Variants in BEND4 observed in about 807,000 individuals in gnomAD.
BEND4 encodes BEN domain-containing protein 4.
In BEND4, 27 loss-of-function variants were observed where a neutral mutation model predicts 54.7. The ratio of observed to expected loss-of-function variants is 0.49; its 90% CI spans 0.36 to 0.68. The LOEUF (loss-of-function observed/expected upper bound fraction) is 0.68. Ranked by LOEUF, BEND4 falls within the 30% of genes least tolerant of loss-of-function variation. BEND4 has a pLI of 0.00. For missense variants in BEND4, 702 were observed against 697.2 expected (o/e 1.01, Z -0.08); for synonymous variants, 327 against 299.5 (o/e 1.09, Z -0.95).
intron 2 of BEND4, among the ~76,000 whole-genome samples, chr4:42,149,102 G>C (rs1047434162): frequency 6.6e-6 from 1 of 152,128 alleles, no homozygotes; most frequent in Non-Finnish European, 1.5e-5. Context: ...TTCGTAACAT[G>C]AATGTTTTGA....
intron 3 of BEND4, among the ~76,000 whole-genome samples, chr4:42,134,715 T>C (rs190921747): frequency 8.1e-4 from 123 of 152,300 alleles, no homozygotes; most frequent in African/African-American, 2.8e-3. Flanking sequence ...GCTTGCGAAC[T>C]GTGGGAAGCA....
Position 42,151,879 on chromosome 4 carries a change from C to G in BEND4, c.265G>C (p.Gly89Arg), listed in dbSNP as rs1721304923. The G allele has an allele frequency of 3.1e-6, 4 of 1,305,876 alleles. No homozygotes were observed. The highest frequency in any genetic ancestry group is 2.5e-5 in the South Asian group (1 of 40,330). 80.9% of individuals were successfully genotyped at this position (1,305,876 alleles called of 1,614,324 possible). Reference protein sequence around the residue: ...QFQAQSSYPPGPGRAAAAASS... With the variant: ...QFQAQSSYPPRPGRAAAAASS... ...GCGGCGGCGGCGGCCCGGCCGGGCC[C>G]GGGGGGGTAGGAGCTCTGCGCCTGG... Residue 89 changes from glycine (G) to arginine (R), a missense_variant, in exon 2 of 6, where the codon GGG becomes CGG. By Grantham distance (125) the Gly-to-Arg change is moderately radical (BLOSUM62 -2). Transcript: ENST00000502486.
At chr4:42,125,125 CTG>C (rs781414297) in intron 4 of BEND4, among the ~76,000 whole-genome samples, 17 of 152,278 alleles carry the variant, frequency 1.1e-4, no homozygotes, top group South Asian at 2.1e-4. Context: ...TTGGGAGAGA[CTG>C]TGGTTTCTTC....
At chr4:42,126,547 ATT>A (rs1720293935) in intron 3 of BEND4, among the ~76,000 whole-genome samples, 1 of 152,210 alleles carries the variant, frequency 6.6e-6, no homozygotes, top group Non-Finnish European at 1.5e-5. Context: ...CTATTAAACT[ATT>A]TTTTGAGGCT....
chr4:42,147,392 G>C (rs2153147777), intron 2 of BEND4, among the ~76,000 whole-genome samples: 1 of 151,620 alleles, frequency 6.6e-6, no homozygotes, highest in South Asian at 2.1e-4. Context: ...AAGAAATGAA[G>C]TTCTGTTTTC....
At position 42,138,107 on chromosome 4, in the gene BEND4, C is replaced by T. The variant is rs191936562; in HGVS notation, c.1054+5321G>A. ...GACATATACCCAAAGGAAATGAAATCAACATCTTGTAAAGATGTCTGCACT... is the reference window on the plus strand; with the variant it reads ...GACATATACCCAAAGGAAATGAAATTAACATCTTGTAAAGATGTCTGCACT... On this transcript the variant is annotated intron_variant, in intron 3 of 5. Transcript: ENST00000502486. Among the ~76,000 whole-genome samples the T allele has an allele frequency of 1.3e-3, 204 of 152,254 alleles. 1 individual carries two copies. In the Middle Eastern group the frequency reaches 0.014, roughly 10 times the overall value.
chr4:42,148,648 C>T (rs374141137), intron 2 of BEND4, among the ~76,000 whole-genome samples: 5 of 152,194 alleles, frequency 3.3e-5, no homozygotes, highest in Non-Finnish European at 7.3e-5. Context: ...ATAGCTGACA[C>T]TTTTATCAGT....
intron 3 of BEND4, among the ~76,000 whole-genome samples, chr4:42,129,996 T>G (rs190261772): frequency 6.6e-6 from 1 of 152,222 alleles, no homozygotes; most frequent in East Asian, 1.9e-4. Context: ...CTGCAATCTA[T>G]CCATCTGACA....
chr4:42,115,986 T>C lies in BEND4; in HGVS notation c.*1532A>G, dbSNP rs1369665967. Reference sequence around the variant, plus strand: ...CTTTTCAATGGATGAATTCTAGTAATACAAAAAAGCTAATAAACAAAAGCT... The same window carrying C: ...CTTTTCAATGGATGAATTCTAGTAACACAAAAAAGCTAATAAACAAAAGCT... On this transcript the variant is annotated 3_prime_UTR_variant, in exon 6 of 6. Transcript: ENST00000502486. The C allele has an allele frequency of 3.3e-5, 5 of 152,176 alleles. No individual in the cohort carries two copies. Among genetic ancestry groups the C allele is most frequent in the South Asian group, 2.1e-4 (1 of 4,834 alleles). The allele number at this position is 152,176 out of a possible 1,614,324, so 9.4% of individuals were successfully genotyped here.
At chr4:42,118,344 A>G (rs78851989) in intron 5 of BEND4, among the ~76,000 whole-genome samples, 1 of 152,196 alleles carries the variant, frequency 6.6e-6, no homozygotes, top group African/African-American at 2.4e-5. Flanking sequence ...TAAATATTTA[A>G]TTTTACCAAA....
chr4:42,143,412 G>C lies in BEND4; in HGVS notation c.1054+16C>G. On this transcript the variant is annotated intron_variant, in intron 3 of 5. Transcript: ENST00000502486. ...AGAAGGGTTGCAGTTGTCTTGCAAG[G>C]AATATGGCAGGATACCTGGGATGCT... 1 of 1,545,266 alleles carries C rather than the reference G, an allele frequency of 6.5e-7. No homozygotes were observed. Among genetic ancestry groups the C allele is most frequent in the Non-Finnish European group, 8.8e-7 (1 of 1,141,066 alleles).
rs576928911 is a variant in BEND4 at position 42,116,774 on chromosome 4, C to A, written c.*744G>T. 1 of 152,140 alleles carries A rather than the reference C, an allele frequency of 6.6e-6. No individual in the cohort carries two copies. The highest frequency in any genetic ancestry group is 1.5e-5 in the Non-Finnish European group (1 of 68,012). The allele number at this position is 152,140 out of a possible 1,614,324, so 9.4% of individuals were successfully genotyped here. On this transcript the variant is annotated 3_prime_UTR_variant, in exon 6 of 6. Transcript: ENST00000502486. Reference sequence around the variant, plus strand: ...GCCTGATTTAAGGCTATGGAAACTGCGGATTTATTAACCTACAAAACTGAG... The same window carrying A: ...GCCTGATTTAAGGCTATGGAAACTGAGGATTTATTAACCTACAAAACTGAG...
chr4:42,139,643 C>A (rs1433263016), intron 3 of BEND4, among the ~76,000 whole-genome samples: 1 of 151,868 alleles, frequency 6.6e-6, no homozygotes, highest in Non-Finnish European at 1.5e-5. Flanking sequence ...GACAAATGAC[C>A]GAGGAACGCT....
chr4:42,139,754 G>T (rs1720821200), intron 3 of BEND4, among the ~76,000 whole-genome samples: 1 of 152,134 alleles, frequency 6.6e-6, no homozygotes, highest in South Asian at 2.1e-4. Flanking sequence ...CATCCATCCT[G>T]CTTGGCTGTA....
intron 3 of BEND4, among the ~76,000 whole-genome samples, chr4:42,131,121 T>C (rs1205333504): frequency 6.6e-6 from 1 of 152,148 alleles, no homozygotes; most frequent in Non-Finnish European, 1.5e-5. Context: ...CAGGCTGAGC[T>C]TATTGCGTAG....
chr4:42,115,158 G>A lies in BEND4; in HGVS notation c.*2360C>T, dbSNP rs1286888429. 2.6e-5 allele frequency: 4 copies of A among 152,266 alleles called. No individual in the cohort carries two copies. Among genetic ancestry groups the A allele is most frequent in the Admixed American group, 2.6e-4 (4 of 15,288 alleles). The allele number at this position is 152,266 out of a possible 1,614,324, so 9.4% of individuals were successfully genotyped here. A position where few individuals can be genotyped will look rare whatever the true frequency, so the allele number is the denominator to read the frequency against. On this transcript the variant is annotated 3_prime_UTR_variant, in exon 6 of 6. Transcript: ENST00000502486. ...CAATTAGTCTCAACATTCAGAATCTGTGGATGGAGAAACAGCTGATAGAGA... is the reference window on the plus strand; with the variant it reads ...CAATTAGTCTCAACATTCAGAATCTATGGATGGAGAAACAGCTGATAGAGA...
In BEND4 at chr4:42,151,935, A is replaced by C. The variant is rs1290751936; in HGVS notation, c.209T>G (p.Ile70Ser). 5.6e-6 allele frequency: 7 copies of C among 1,252,774 alleles called. No individual in the cohort carries two copies. The highest frequency in any genetic ancestry group is 7.0e-6 in the Non-Finnish European group (7 of 998,464). 77.6% of individuals were successfully genotyped at this position (1,252,774 alleles called of 1,614,324 possible). A position where few individuals can be genotyped will look rare whatever the true frequency, so the allele number is the denominator to read the frequency against. The change falls in exon 2 of 6, where the codon ATC (isoleucine) becomes AGC (serine). Residue 70 changes from isoleucine to serine, a missense_variant. Ile to Ser is a moderately radical substitution (Grantham distance 142, BLOSUM62 -2). Coordinates refer to ENST00000502486, the MANE Select transcript of BEND4 (RefSeq NM_207406.4). ...PPFAPHAAVSISSSEPPPQQF... is the reference protein window; with the variant it reads ...PPFAPHAAVSSSSSEPPPQQF... The stretch of plus-strand genomic sequence containing the variant: ...CTGCGGCGGCGGCTCGCTGCTGCTG[A>C]TGGAGACGGCGGCGTGCGGCGCGAA...
At position 42,113,470 on chromosome 4, in the gene BEND4, ATC is replaced by A. The variant is rs907363021; in HGVS notation, c.*4046_*4047del. 20 of 152,170 alleles carry A rather than the reference ATC, an allele frequency of 1.3e-4. No homozygotes were observed. Among genetic ancestry groups the A allele is most frequent in the African/African-American group, 4.8e-4 (20 of 41,442 alleles). 9.4% of individuals were successfully genotyped at this position (152,170 alleles called of 1,614,324 possible). On this transcript the variant is annotated 3_prime_UTR_variant, in exon 6 of 6. Transcript: ENST00000502486. ...CACGTTTCATCTTTACCTGATCTCC[ATC>A]TGTTTTCTGAGAGCAACAGAAGGGA...
At chr4:42,136,911 C>A (rs1168838116) in intron 3 of BEND4, among the ~76,000 whole-genome samples, 1 of 152,212 alleles carries the variant, frequency 6.6e-6, no homozygotes, top group Admixed American at 6.5e-5. Flanking sequence ...ATATATTGAT[C>A]AGCTGATGAA....
Sources: gnomAD v4.1 joint callset for allele counts (sites outside exome capture counted in the v4.1 genomes callset) on GRCh38, gnomAD v4.1.1 for gene constraint, MANE v1.5 for transcripts, NCBI Gene and HGNC (gene_info 2026-07-23, HGNC 2026-07-21) for gene names.